ANKS1B: variants seen among roughly 807,000 people sequenced by gnomAD.
ANKS1B encodes ankyrin repeat and sterile alpha motif domain containing 1B.
ANKS1B carries 36 observed loss-of-function variants against 148.3 expected under a neutral mutation model. The ratio of observed to expected loss-of-function variants is 0.24; its 90% CI spans 0.19 to 0.32. ANKS1B has a LOEUF of 0.32. Ranked by LOEUF, ANKS1B falls within the 10% of genes least tolerant of loss-of-function variation. The probability of loss-of-function intolerance (pLI) is 1.00; values close to 1 mark genes in which losing one functional copy is unlikely to be tolerated. For missense variants in ANKS1B, 1,157 were observed against 1,542.6 expected, an observed-to-expected ratio of 0.75 and a Z score of 4.19; for synonymous variants, 542 against 560.8, an observed-to-expected ratio of 0.97 and a Z score of 0.47.
intron 12 of ANKS1B, among the ~76,000 whole-genome samples, chr12:99,306,444 C>A (rs1243273362): frequency 6.6e-6 from 1 of 151,904 alleles, no homozygotes; most frequent in Non-Finnish European, 1.5e-5. Flanking sequence ...CTACCCCCAC[C>A]CCCATAACTT....
chr12:98,756,937 C>T lies in ANKS1B; in HGVS notation c.3580-5415G>A, dbSNP rs373694895. Reference sequence around the variant, plus strand: ...AAAGACAAGATTTCACCATGTTGGCCAGGCTGGTCTTGAACTCCTGTCCTC... The same window carrying T: ...AAAGACAAGATTTCACCATGTTGGCTAGGCTGGTCTTGAACTCCTGTCCTC... On this transcript the variant is annotated intron_variant, in intron 25 of 26. Transcript: ENST00000683438. Among the ~76,000 whole-genome samples, 9 of 152,014 alleles carry T rather than the reference C, an allele frequency of 5.9e-5. No homozygotes were observed. The East Asian group carries it at 1.4e-3, about 23-fold the overall frequency.
chr12:99,251,910 T>C (rs1429306247), intron 12 of ANKS1B, among the ~76,000 whole-genome samples: 2 of 152,176 alleles, frequency 1.3e-5, no homozygotes, highest in Admixed American at 6.5e-5. Flanking sequence ...GTATATCAGG[T>C]GGCAAAGTTT....
chr12:99,362,667 C>T (rs540840580), intron 12 of ANKS1B, among the ~76,000 whole-genome samples: 1 of 152,042 alleles, frequency 6.6e-6, no homozygotes, highest in African/African-American at 2.4e-5. Context: ...AAAATATCTG[C>T]TATAAAGTTC....
chr12:99,307,609 G>A (rs2082534227), intron 12 of ANKS1B, among the ~76,000 whole-genome samples: 1 of 152,060 alleles, frequency 6.6e-6, no homozygotes, highest in Non-Finnish European at 1.5e-5. Context: ...AAGTTTGTGT[G>A]TGTGCATGAG....
At chr12:98,772,527 C>A (rs2153477853) in intron 25 of ANKS1B, among the ~76,000 whole-genome samples, 1 of 152,276 alleles carries the variant, frequency 6.6e-6, no homozygotes, top group South Asian at 2.1e-4. Context: ...AAGAGCAAAG[C>A]CATGTCTTAC....
chr12:99,199,121 C>T (rs552812617), intron 14 of ANKS1B, among the ~76,000 whole-genome samples: 4 of 152,242 alleles, frequency 2.6e-5, no homozygotes, highest in Admixed American at 6.5e-5. Flanking sequence ...CAGATGACTG[C>T]ATCCCTGGCC....
intron 20 of ANKS1B, among the ~76,000 whole-genome samples, chr12:98,806,250 T>C (rs1482061374): frequency 6.6e-6 from 1 of 152,232 alleles, no homozygotes; most frequent in East Asian, 1.9e-4. Flanking sequence ...TACAACTTAC[T>C]TTTCTAACAT....
chr12:98,985,574 T>C (rs2099922811), intron 17 of ANKS1B, among the ~76,000 whole-genome samples: 1 of 151,774 alleles, frequency 6.6e-6, no homozygotes, highest in Admixed American at 6.6e-5. Flanking sequence ...TTATTCATCT[T>C]AACAAATAAC....
At chr12:99,149,147 A>G (rs1192527069) in intron 15 of ANKS1B, among the ~76,000 whole-genome samples, 1 of 152,134 alleles carries the variant, frequency 6.6e-6, no homozygotes, top group Non-Finnish European at 1.5e-5. Context: ...TTTGGATCAC[A>G]ATATGCTACT....
At chr12:98,962,675 G>T (rs1047685645) in intron 17 of ANKS1B, among the ~76,000 whole-genome samples, 1 of 152,074 alleles carries the variant, frequency 6.6e-6, no homozygotes, top group Non-Finnish European at 1.5e-5. Context: ...TATTCTCAAG[G>T]ATAGACTGTA....
chr12:99,755,559 C>T (rs867544364), intron 8 of ANKS1B, among the ~76,000 whole-genome samples: 1 of 147,472 alleles, frequency 6.8e-6, no homozygotes, highest in East Asian at 2.0e-4. Flanking sequence ...AAAATTCACA[C>T]CAATATCCTT....
chr12:98,774,829 C>T (rs2098651649), intron 24 of ANKS1B, among the ~76,000 whole-genome samples: 1 of 152,188 alleles, frequency 6.6e-6, no homozygotes. Context: ...AGACATTTTT[C>T]ACCGTGGCCT....
chr12:99,326,131 T>C (rs2086259073), intron 12 of ANKS1B, among the ~76,000 whole-genome samples: 1 of 152,044 alleles, frequency 6.6e-6, no homozygotes, highest in Non-Finnish European at 1.5e-5. Context: ...TACCTCCACC[T>C]GGTCTCTTCC....
intron 17 of ANKS1B, among the ~76,000 whole-genome samples, chr12:99,034,896 A>G (rs2099954542): frequency 6.6e-6 from 1 of 152,196 alleles, no homozygotes; most frequent in Non-Finnish European, 1.5e-5. Flanking sequence ...ACAAACAGAT[A>G]ACAAATGCAC....
chr12:99,159,613 C>A (rs546174649), intron 14 of ANKS1B, among the ~76,000 whole-genome samples: 88 of 152,118 alleles, frequency 5.8e-4, no homozygotes, highest in African/African-American at 2.1e-3. Context: ...ACCATGTTTT[C>A]TTTACCCAAT....
intron 12 of ANKS1B, among the ~76,000 whole-genome samples, chr12:99,389,012 A>C (rs2093970146): frequency 6.6e-6 from 1 of 152,090 alleles, no homozygotes; most frequent in Non-Finnish European, 1.5e-5. Context: ...GGCTAGTAGC[A>C]AGTTATGGGC....
intron 15 of ANKS1B, among the ~76,000 whole-genome samples, chr12:99,153,337 CT>C (rs1204391979): frequency 3.9e-5 from 6 of 152,124 alleles, no homozygotes; most frequent in Middle Eastern, 3.2e-3. Context: ...AGGGCTATTA[CT>C]TATTTCCACA....
chr12:99,540,454 T>A (rs561349047), intron 9 of ANKS1B, among the ~76,000 whole-genome samples: 1 of 152,154 alleles, frequency 6.6e-6, no homozygotes, highest in Non-Finnish European at 1.5e-5. Context: ...AAATGTTTTA[T>A]GTCATACAAG....
chr12:99,644,684 G>T (rs934715982), intron 9 of ANKS1B, among the ~76,000 whole-genome samples: 7 of 152,086 alleles, frequency 4.6e-5, no homozygotes, highest in Non-Finnish European at 8.8e-5. Flanking sequence ...AGTTTCCTAG[G>T]GCTACCATTA....
Sources: gnomAD v4.1 joint callset for allele counts (sites outside exome capture counted in the v4.1 genomes callset) on GRCh38, gnomAD v4.1.1 for gene constraint, MANE v1.5 for transcripts, NCBI Gene and HGNC (gene_info 2026-07-23, HGNC 2026-07-21) for gene names.